Variants in PCDH9 observed in about 807,000 individuals in gnomAD.
PCDH9 encodes protocadherin-9.
A neutral mutation model predicts 70.6 loss-of-function variants in PCDH9; 24 were observed. The observed-to-expected ratio is 0.34, with a 90% confidence interval of 0.25 to 0.48. The LOEUF is 0.48. PCDH9 is among the 20% of genes least tolerant of loss of function. The pLI is 0.99. For missense variants in PCDH9, 1,281 were observed against 1,503.6 expected, an observed-to-expected ratio of 0.85 and a Z score of 2.45; for synonymous variants, 562 against 558.5, an observed-to-expected ratio of 1.01 and a Z score of -0.09.
At chr13:66,563,741 A>G (rs2076610657) in intron 4 of PCDH9, among the ~76,000 whole-genome samples, 1 of 151,988 alleles carries the variant, frequency 6.6e-6, no homozygotes, top group South Asian at 2.1e-4. Context: ...CCATTCCTCC[A>G]TTCCTGACAT....
At chr13:66,593,827 T>G (rs960508888) in intron 4 of PCDH9, among the ~76,000 whole-genome samples, 10 of 151,792 alleles carry the variant, frequency 6.6e-5, no homozygotes, top group African/African-American at 2.4e-4. Flanking sequence ...TTGTACTTTG[T>G]TAATAATTTT....
At chr13:66,744,996 A>T (rs1334681722) in intron 3 of PCDH9, among the ~76,000 whole-genome samples, 1 of 152,304 alleles carries the variant, frequency 6.6e-6, no homozygotes, top group East Asian at 1.9e-4. Context: ...ATGCAGGATC[A>T]TATTGCCTGG....
Position 66,450,971 on chromosome 13 carries a change from C to T in PCDH9, c.3341-145943G>A, listed in dbSNP as rs183218500. ...GGCAGAGCTTGCAGTGAGCCGAGAT[C>T]GCGCCACTGTACTCCAGCCTGGGCA... On this transcript the variant is annotated intron_variant, in intron 4 of 4. Coordinates refer to ENST00000377865, the MANE Select transcript of PCDH9 (RefSeq NM_203487.3). Among the ~76,000 whole-genome samples the T allele has an allele frequency of 2.8e-3, 420 of 152,106 alleles. 6 individuals carry two copies. The highest frequency in any genetic ancestry group is 9.6e-3 in the African/African-American group (400 of 41,506).
chr13:66,668,771 T>C (rs1593865189), intron 3 of PCDH9, among the ~76,000 whole-genome samples: 1 of 152,154 alleles, frequency 6.6e-6, no homozygotes, highest in East Asian at 1.9e-4. Context: ...TTTGCAAAGA[T>C]ATATGTTGAA....
intron 3 of PCDH9, among the ~76,000 whole-genome samples, chr13:66,728,798 T>C (rs2079036681): frequency 6.6e-6 from 1 of 152,122 alleles, no homozygotes; most frequent in Non-Finnish European, 1.5e-5. Context: ...TCAATTCTTT[T>C]TGATAAAGGT....
intron 4 of PCDH9, among the ~76,000 whole-genome samples, chr13:66,427,174 T>G (rs1419628278): frequency 4.6e-5 from 7 of 151,654 alleles, no homozygotes; most frequent in Non-Finnish European, 1.0e-4. Context: ...GTCATATTAA[T>G]GTAGATCATG....
chr13:66,620,761 A>C (rs573476462), intron 4 of PCDH9, among the ~76,000 whole-genome samples: 1 of 152,214 alleles, frequency 6.6e-6, no homozygotes, highest in South Asian at 2.1e-4. Flanking sequence ...TAGCTCATAG[A>C]ACAAAATTGC....
intron 4 of PCDH9, among the ~76,000 whole-genome samples, chr13:66,567,395 C>A (rs546867779): frequency 6.6e-6 from 1 of 152,238 alleles, no homozygotes; most frequent in East Asian, 1.9e-4. Context: ...TCCTCTGACA[C>A]TTGTCTTCTT....
At chr13:66,572,937 T>C (rs1206670775) in intron 4 of PCDH9, among the ~76,000 whole-genome samples, 1 of 152,076 alleles carries the variant, frequency 6.6e-6, no homozygotes, top group Non-Finnish European at 1.5e-5. Flanking sequence ...GTTTTTTATT[T>C]TTTGTAGCGG....
chr13:66,842,200 T>C (rs1270507750), intron 3 of PCDH9, among the ~76,000 whole-genome samples: 2 of 152,040 alleles, frequency 1.3e-5, no homozygotes, highest in African/African-American at 2.4e-5. Context: ...GGTATGGTCA[T>C]TTTTGAAATC....
chr13:66,703,904 TAAAAATTAAAAAA>T (rs1291823596), intron 3 of PCDH9, among the ~76,000 whole-genome samples: 1 of 143,890 alleles, frequency 6.9e-6, no homozygotes, highest in East Asian at 2.0e-4. Context: ...CTGTCTCAAT[TAAAAATTAAAAAA>T]AAATAGGAAA....
At chr13:66,469,624 A>G (rs529591721) in intron 4 of PCDH9, among the ~76,000 whole-genome samples, 1 of 152,282 alleles carries the variant, frequency 6.6e-6, no homozygotes, top group African/African-American at 2.4e-5. Flanking sequence ...CTTCTATGCC[A>G]CAGCGTGTTT....
chr13:66,931,698 G>A (rs1185793474), intron 2 of PCDH9, among the ~76,000 whole-genome samples: 4 of 152,088 alleles, frequency 2.6e-5, no homozygotes, highest in African/African-American at 4.8e-5. Flanking sequence ...AGGTTTATCC[G>A]TAGGTTGCCT....
intron 4 of PCDH9, among the ~76,000 whole-genome samples, chr13:66,390,318 G>A (rs192301416): frequency 1.8e-3 from 272 of 152,010 alleles, no homozygotes; most frequent in Non-Finnish European, 3.0e-3. Context: ...TCACTCTCAC[G>A]GCAAAAAGAA....
At chr13:66,817,183 T>C (rs2080623203) in intron 3 of PCDH9, among the ~76,000 whole-genome samples, 1 of 152,152 alleles carries the variant, frequency 6.6e-6, no homozygotes. Flanking sequence ...ATAAGGGCCT[T>C]GAGAATCCTC....
intron 4 of PCDH9, among the ~76,000 whole-genome samples, chr13:66,474,982 A>C (rs938438563): frequency 1.3e-5 from 2 of 152,106 alleles, no homozygotes; most frequent in Non-Finnish European, 2.9e-5. Flanking sequence ...CTATGGGTTA[A>C]TGTTATCTTG....
rs184756523 is a variant in PCDH9, at chr13:66,996,336, G to A, written c.3037-92731C>T. On this transcript the variant is annotated intron_variant, in intron 2 of 4. Coordinates refer to ENST00000377865, the MANE Select transcript of PCDH9 (RefSeq NM_203487.3). The stretch of plus-strand genomic sequence containing the variant: ...CAGTAATAAATATGTTATATGACAT[G>A]TTAGAACATTAGTGTTTAAAAAAAA... 1.4e-4 allele frequency: 21 copies of A among 152,064 alleles called. No individual in the cohort carries two copies. In the East Asian group the frequency reaches 4.1e-3, roughly 29 times the overall value. 9.4% of individuals were successfully genotyped at this position (152,064 alleles called of 1,614,324 possible).
intron 2 of PCDH9, chr13:67,225,139 G>T: frequency 7.4e-7 from 1 of 1,346,568 alleles, no homozygotes; most frequent in Non-Finnish European, 9.5e-7. Flanking sequence ...ATTATCTTGG[G>T]ACATTTTGGA....
At chr13:66,786,827 T>A (rs1262040845) in intron 3 of PCDH9, among the ~76,000 whole-genome samples, 3 of 152,084 alleles carry the variant, frequency 2.0e-5, no homozygotes, top group African/African-American at 7.2e-5. Context: ...TTAACCTTGA[T>A]TAAACTTCAA....
Sources: gnomAD v4.1 joint callset for allele counts (sites outside exome capture counted in the v4.1 genomes callset) on GRCh38, gnomAD v4.1.1 for gene constraint, MANE v1.5 for transcripts, NCBI Gene and HGNC (gene_info 2026-07-23, HGNC 2026-07-21) for gene names.